The following REPS1 variants were observed in gnomAD, a reference collection of about 807,000 sequenced individuals.
REPS1 encodes ralBP1-associated Eps domain-containing protein 1.
REPS1 carries 39 observed loss-of-function variants against 100.9 expected under a neutral mutation model. The observed-to-expected ratio is 0.39, with a 90% confidence interval of 0.30 to 0.50. REPS1 has a LOEUF of 0.50. REPS1 is among the 20% of genes least tolerant of loss of function. REPS1 has a pLI of 0.86. For missense variants in REPS1, 821 were observed against 968.5 expected, an observed-to-expected ratio of 0.85 and a Z score of 2.02; for synonymous variants, 324 against 340.3, an observed-to-expected ratio of 0.95 and a Z score of 0.53.
chr6:138,961,966 T>C (rs993517429), intron 1 of REPS1, among the ~76,000 whole-genome samples: 4 of 152,210 alleles, frequency 2.6e-5, no homozygotes, highest in African/African-American at 9.7e-5. Context: ...ACTGCTGCTA[T>C]TGAAGAATAC....
chr6:138,941,184 A>G lies in REPS1; in HGVS notation c.1135+151T>C. 4 of 786,680 alleles carry G rather than the reference A, an allele frequency of 5.1e-6. No individual in the cohort carries two copies. The South Asian group carries it at 8.2e-5, about 16-fold the overall frequency. The allele number at this position is 786,680 out of a possible 1,614,324, so 48.7% of individuals were successfully genotyped here. A position where few individuals can be genotyped will look rare whatever the true frequency, so the allele number is the denominator to read the frequency against. On this transcript the variant is annotated intron_variant, in intron 8 of 19. Coordinates refer to ENST00000450536, the MANE Select transcript of REPS1 (RefSeq NM_001286611.2). The stretch of plus-strand genomic sequence containing the variant: ...AATAAGACAAATTCAAGCTTGGCCC[A>G]TACATCCTATTCTGATGACAAATCT...
chr6:138,953,706 G>A (rs2141511), intron 1 of REPS1, among the ~76,000 whole-genome samples: 22,189 of 150,150 alleles, frequency 0.15, 1,732 homozygotes, highest in African/African-American at 0.17. Flanking sequence ...AAATGCTGGC[G>A]AGGATGCAGA....
At chr6:138,911,061 C>T (rs1779972144) in intron 17 of REPS1, 1 of 435,776 alleles carries the variant, frequency 2.3e-6, no homozygotes, top group Admixed American at 3.8e-5. Flanking sequence ...ATGCAATAAC[C>T]ACTTAAATTT....
intron 8 of REPS1, among the ~76,000 whole-genome samples, chr6:138,938,024 GACAA>G (rs529929931): frequency 1.3e-5 from 2 of 149,014 alleles, no homozygotes; most frequent in South Asian, 4.2e-4. Context: ...TTTTAAAGAA[GACAA>G]ACATTCTTAA....
intron 12 of REPS1, among the ~76,000 whole-genome samples, chr6:138,918,333 T>G (rs907440448): frequency 3.3e-5 from 5 of 152,162 alleles, no homozygotes; most frequent in Admixed American, 2.0e-4. Flanking sequence ...TGTGCATAGG[T>G]TACATGCAAA....
chr6:138,936,082 C>T (rs769850620), intron 8 of REPS1, among the ~76,000 whole-genome samples: 1 of 152,066 alleles, frequency 6.6e-6, no homozygotes, highest in Non-Finnish European at 1.5e-5. Context: ...CTTTCATTCA[C>T]TTTCGACTTT....
rs1782435423 is a variant in REPS1 at position 138,943,944 on chromosome 6, A to G, written c.825T>C (p.Tyr275=). 9 of 1,613,860 alleles carry G rather than the reference A, an allele frequency of 5.6e-6. No homozygotes were observed. The highest frequency in any genetic ancestry group is 7.6e-6 in the Non-Finnish European group (9 of 1,179,816). ...CATCTGTTATTTTCCAGGGATCATC[A>G]TAACTACTGGATTGCCTACGAATTT... ...AIEIRRQSSS[Y]DDPWKITDEQ... Residue 275 remains tyrosine (Y), a synonymous_variant, in exon 6 of 20, where the codon TAT becomes TAC. Coordinates refer to ENST00000450536, the MANE Select transcript of REPS1 (RefSeq NM_001286611.2).
At chr6:138,937,179 T>G (rs1349727228) in intron 8 of REPS1, among the ~76,000 whole-genome samples, 1 of 152,078 alleles carries the variant, frequency 6.6e-6, no homozygotes. Flanking sequence ...GGGAAAGACC[T>G]GCCCCCATGA....
intron 8 of REPS1, among the ~76,000 whole-genome samples, chr6:138,936,571 CAG>C (rs1781852295): frequency 1.6e-5 from 2 of 126,322 alleles, no homozygotes; most frequent in South Asian, 2.3e-4. Context: ...TGACACACGA[CAG>C]AGAGAGACGG....
rs1780491389 is a variant in REPS1 at position 138,917,647 on chromosome 6, C to T, written c.1529-20G>A. On this transcript the variant is annotated intron_variant, in intron 12 of 19. Transcript: ENST00000450536. ...CATCTGCTGATAAATGGGATATGTC[C>T]TATTTAATAATAATCATTTCTTTAC... The T allele has an allele frequency of 1.3e-6, 2 of 1,588,350 alleles. No individual in the cohort carries two copies. The highest frequency in any genetic ancestry group is 1.3e-5 in the African/African-American group (1 of 74,532).
chr6:138,911,665 G>C (rs1780016320), intron 16 of REPS1, among the ~76,000 whole-genome samples: 1 of 150,884 alleles, frequency 6.6e-6, no homozygotes, highest in South Asian at 2.1e-4. Context: ...GATGTGTGAG[G>C]GAGAGGAGGA....
intron 8 of REPS1, 102 bp downstream of exon 8, chr6:138,941,233 A>T (rs1187876723): frequency 8.3e-7 from 1 of 1,201,582 alleles, no homozygotes; most frequent in Non-Finnish European, 1.2e-6. Context: ...GAAATATCTA[A>T]GCTATTAAGC....
chr6:138,955,456 AAGTGTGTGTGTGT>A (rs1347112049), intron 1 of REPS1, among the ~76,000 whole-genome samples: 2 of 46,858 alleles, frequency 4.3e-5, no homozygotes, highest in African/African-American at 2.8e-4. Flanking sequence ...AAAAAAAAAA[AAGTGTGTGTGTGT>A]GTGTGTGTGT....
In REPS1 at chr6:138,943,925, T is replaced by C; in HGVS notation, c.844A>G (p.Thr282Ala). The C allele has an allele frequency of 6.2e-7, 1 of 1,613,808 alleles. No homozygotes were observed. The highest frequency in any genetic ancestry group is 8.5e-7 in the Non-Finnish European group (1 of 1,179,776). ...SSSYDDPWKI[T>A]DEQRQYYVNQ... ...ACATAATACTGTCTTTGTTCATCTG[T>C]TATTTTCCAGGGATCATCATAACTA... Residue 282 changes from threonine to alanine, a missense_variant, in exon 6 of 20, where the codon ACA becomes GCA. Physicochemically the swap from Thr to Ala is moderately conservative, Grantham distance 58. Coordinates refer to ENST00000450536, the MANE Select transcript of REPS1 (RefSeq NM_001286611.2).
chr6:138,910,522 A>G (rs779228193), intron 17 of REPS1, among the ~76,000 whole-genome samples: 5 of 151,974 alleles, frequency 3.3e-5, no homozygotes, highest in Non-Finnish European at 7.4e-5. Flanking sequence ...CACGGCTAAT[A>G]TTTGTACTTT....
chr6:138,953,750 C>T (rs1783193201), intron 1 of REPS1, among the ~76,000 whole-genome samples: 1 of 150,858 alleles, frequency 6.6e-6, no homozygotes, highest in Non-Finnish European at 1.5e-5. Context: ...GGTGGGAATG[C>T]AAACTAGTTA....
At chr6:138,944,865 T>C (rs1037943790) in intron 4 of REPS1, among the ~76,000 whole-genome samples, 7 of 152,222 alleles carry the variant, frequency 4.6e-5, no homozygotes, top group Admixed American at 4.6e-4. Context: ...CTTTAGAGAA[T>C]CTGGTATCCA....
rs376225986 is a variant in REPS1 at position 138,945,369 on chromosome 6, G to A, written c.478C>T (p.Pro160Ser). 3.1e-6 allele frequency: 5 copies of A among 1,598,144 alleles called. No homozygotes were observed. The highest frequency in any genetic ancestry group is 1.8e-5 in the Admixed American group (1 of 56,326). The part of the protein sequence containing the change: ...QPRTSADAQE[P>S]ASPVVSPQQS... ...TGTGGTGAAACTACTGGGGATGCAG[G>A]TTCCTAGAAAAGAATATTATTTTAA... is the stretch of plus-strand genomic sequence containing the variant. The change falls in exon 4 of 20, where the codon CCT becomes TCT. Residue 160 changes from proline (P) to serine (S), a missense_variant. Physicochemically the swap from Pro to Ser is moderately conservative, Grantham distance 74 (BLOSUM62 -1). This residue lies in a region of REPS1 where 757 missense variants were observed against 866.4 expected (regional missense o/e 0.87). Transcript: ENST00000450536.
intron 1 of REPS1, among the ~76,000 whole-genome samples, chr6:138,984,082 T>C (rs1785114503): frequency 6.7e-6 from 1 of 149,478 alleles, no homozygotes. Context: ...CTCTCTCTTT[T>C]TTTTTTTTTT....
Sources: allele counts gnomAD v4.1 joint callset (sites outside exome capture counted in the v4.1 genomes callset), GRCh38; gene constraint gnomAD v4.1.1; regional missense constraint gnomAD v4.1.1; transcripts MANE v1.5; gene names NCBI Gene and HGNC (gene_info 2026-07-23, HGNC 2026-07-21).